Variants in TMEM132D observed in about 807,000 individuals in gnomAD.
The protein encoded by TMEM132D is transmembrane protein 132D, also known as mature OL transmembrane protein.
TMEM132D carries 21 observed loss-of-function variants against 62.3 expected under a neutral mutation model. That is an observed-to-expected ratio of 0.34 (90% CI 0.24 to 0.49). TMEM132D has a LOEUF of 0.49. TMEM132D is among the 20% of genes least tolerant of loss of function. TMEM132D has a pLI of 0.99. For missense variants in TMEM132D, 1,346 were observed against 1,402.8 expected (o/e 0.96, Z 0.65); for synonymous variants, 621 against 575.6 (o/e 1.08, Z -1.13).
chr12:129,854,345 C>A (rs1873645985), intron 1 of TMEM132D, among the ~76,000 whole-genome samples: 1 of 152,134 alleles, frequency 6.6e-6, no homozygotes, highest in South Asian at 2.1e-4. Context: ...AAATGTGACA[C>A]AGGGCCAATG....
chr12:129,313,316 C>T (rs190593160), intron 4 of TMEM132D, among the ~76,000 whole-genome samples: 187 of 152,158 alleles, frequency 1.2e-3, no homozygotes, highest in African/African-American at 4.0e-3. Context: ...TATCCCTTGC[C>T]GTCCTCCTAC....
chr12:129,491,519 CCCG>C (rs1206585820), intron 3 of TMEM132D, among the ~76,000 whole-genome samples: 1 of 152,154 alleles, frequency 6.6e-6, no homozygotes, highest in Non-Finnish European at 1.5e-5. Flanking sequence ...CCCGGTCCTC[CCCG>C]CTGTCTCCTA....
At chr12:129,643,378 G>A (rs543645136) in intron 2 of TMEM132D, among the ~76,000 whole-genome samples, 17 of 152,268 alleles carry the variant, frequency 1.1e-4, no homozygotes, top group African/African-American at 3.6e-4. Flanking sequence ...CTGCTTTGAC[G>A]AATAAAGTTT....
chr12:129,838,342 A>G (rs1371006857), intron 1 of TMEM132D, among the ~76,000 whole-genome samples: 1 of 152,230 alleles, frequency 6.6e-6, no homozygotes, highest in African/African-American at 2.4e-5. Context: ...GACTGCATTT[A>G]TGGTCTAGAT....
At chr12:129,809,029 C>T (rs751057143) in intron 1 of TMEM132D, among the ~76,000 whole-genome samples, 69 of 152,098 alleles carry the variant, frequency 4.5e-4, no homozygotes, top group Admixed American at 3.3e-4. Flanking sequence ...TGAATGTGGC[C>T]GGGCGCAGTG....
chr12:129,175,425 C>G (rs191225123), intron 5 of TMEM132D, among the ~76,000 whole-genome samples: 2 of 152,290 alleles, frequency 1.3e-5, no homozygotes, highest in Admixed American at 6.5e-5. Flanking sequence ...GTATGTATCT[C>G]AGTTTCCTTA....
intron 1 of TMEM132D, among the ~76,000 whole-genome samples, chr12:129,899,316 G>GATGGATGGATGGATGGATGGATGCATGC (rs1875262115): frequency 1.1e-5 from 1 of 88,366 alleles, no homozygotes. Context: ...TGGATGGATG[G>GATGGATGGATGGATGGATGGATGCATGC]ATGGATGGAT....
intron 3 of TMEM132D, among the ~76,000 whole-genome samples, chr12:129,419,169 T>A (rs1185850249): frequency 6.8e-6 from 1 of 147,492 alleles, no homozygotes; most frequent in Admixed American, 6.8e-5. Flanking sequence ...TTTCTTCTAT[T>A]TCCTTGAGAG....
intron 2 of TMEM132D, among the ~76,000 whole-genome samples, chr12:129,680,024 C>T (rs117460931): frequency 0.026 from 3,972 of 152,246 alleles, 67 homozygotes; most frequent in Middle Eastern, 0.075. Context: ...TCTTGCAAAA[C>T]ATGTATCAAC....
chr12:129,719,164 T>A (rs923518947), intron 1 of TMEM132D, among the ~76,000 whole-genome samples: 1 of 149,422 alleles, frequency 6.7e-6, no homozygotes, highest in Non-Finnish European at 1.5e-5. Flanking sequence ...GGGGGCTGAG[T>A]GGGAGAATCA....
chr12:129,577,730 C>T (rs981122156), intron 2 of TMEM132D, among the ~76,000 whole-genome samples: 4 of 152,118 alleles, frequency 2.6e-5, no homozygotes, highest in Non-Finnish European at 5.9e-5. Context: ...AAAATTTCCA[C>T]TATGTTTATT....
chr12:129,542,884 A>G (rs1157414698), intron 2 of TMEM132D, among the ~76,000 whole-genome samples: 2 of 152,044 alleles, frequency 1.3e-5, no homozygotes, highest in Non-Finnish European at 2.9e-5. Flanking sequence ...ATTGTGTTAC[A>G]GTTACCTATA....
intron 4 of TMEM132D, among the ~76,000 whole-genome samples, chr12:129,257,572 A>G (rs1306700279): frequency 6.6e-6 from 1 of 152,178 alleles, no homozygotes. Flanking sequence ...TTTCAGCTGA[A>G]GAAATACATC....
At chr12:129,721,563 T>A (rs1315253857) in intron 1 of TMEM132D, among the ~76,000 whole-genome samples, 1 of 152,064 alleles carries the variant, frequency 6.6e-6, no homozygotes, top group African/African-American at 2.4e-5. Flanking sequence ...GCGCTCTAGG[T>A]GAGCAGCCCG....
rs552060000 is a variant in TMEM132D at position 129,735,031 on chromosome 12, C to T, written c.80-34333G>A. Among the ~76,000 whole-genome samples the T allele has an allele frequency of 1.2e-3, 177 of 151,330 alleles. 1 individual carries two copies. The highest frequency in any genetic ancestry group is 3.9e-3 in the African/African-American group (160 of 41,252). On this transcript the variant is annotated intron_variant, in intron 1 of 8. Transcript: ENST00000422113. ...AGGAATTGCCCATTTTACAGTACGA[C>T]GACAAAAAGAATTAAAAGTTAAAGG...
At chr12:129,247,110 A>G (rs1481030803) in intron 4 of TMEM132D, among the ~76,000 whole-genome samples, 3 of 152,218 alleles carry the variant, frequency 2.0e-5, no homozygotes, top group Non-Finnish European at 4.4e-5. Flanking sequence ...TATTTTCTGC[A>G]AAGTATATAT....
intron 4 of TMEM132D, among the ~76,000 whole-genome samples, chr12:129,237,363 G>T (rs1269281834): frequency 1.3e-5 from 2 of 152,054 alleles, no homozygotes; most frequent in Non-Finnish European, 2.9e-5. Flanking sequence ...AATTGATATT[G>T]AGTTAATTTT....
chr12:129,376,781 G>A (rs1282951171), intron 3 of TMEM132D, among the ~76,000 whole-genome samples: 1 of 152,186 alleles, frequency 6.6e-6, no homozygotes, highest in African/African-American at 2.4e-5. Flanking sequence ...TGCTGGGTGT[G>A]CAAACGTAAG....
chr12:129,733,165 C>A (rs927699122), intron 1 of TMEM132D, among the ~76,000 whole-genome samples: 1 of 152,132 alleles, frequency 6.6e-6, no homozygotes, highest in East Asian at 1.9e-4. Flanking sequence ...AATTATCAAA[C>A]CTGAAGGGGT....
Sources: gnomAD v4.1 joint callset for allele counts (sites outside exome capture counted in the v4.1 genomes callset) on GRCh38, gnomAD v4.1.1 for gene constraint, MANE v1.5 for transcripts, NCBI Gene and HGNC (gene_info 2026-07-23, HGNC 2026-07-21) for gene names.